The following CDH9 variants were observed in gnomAD, a reference collection of about 807,000 sequenced individuals.
CDH9 encodes the protein cadherin 9.
CDH9 carries 28 observed loss-of-function variants against 70.9 expected under a neutral mutation model. The observed-to-expected ratio is 0.40, with a 90% CI of 0.29 to 0.54. The LOEUF is 0.54. CDH9 is among the 20% of genes least tolerant of loss of function. The pLI is 0.59. For synonymous variants in CDH9, 409 were observed against 343.1 expected, an observed-to-expected ratio of 1.19 and a Z score of -2.12; for missense variants, 874 against 984.4, an observed-to-expected ratio of 0.89 and a Z score of 1.50.
At chr5:26,929,508 G>A (rs1741403398) in intron 2 of CDH9, among the ~76,000 whole-genome samples, 1 of 151,984 alleles carries the variant, frequency 6.6e-6, no homozygotes, top group South Asian at 2.1e-4. Context: ...CAAGATAAAG[G>A]AAAACAATGT....
chr5:26,897,817 A>T (rs1175360583), intron 7 of CDH9, among the ~76,000 whole-genome samples: 1 of 152,080 alleles, frequency 6.6e-6, no homozygotes, highest in Non-Finnish European at 1.5e-5. Context: ...TGGAAGTTCA[A>T]GCCAGGGCAA....
intron 1 of CDH9, among the ~76,000 whole-genome samples, chr5:27,025,826 A>G (rs879762007): frequency 6.6e-6 from 1 of 151,980 alleles, no homozygotes; most frequent in Non-Finnish European, 1.5e-5. Flanking sequence ...GCGTCAATCC[A>G]TTTAACAGAA....
intron 3 of CDH9, 74 bp downstream of exon 3, chr5:26,915,556 A>G: frequency 1.2e-6 from 1 of 864,588 alleles, no homozygotes; most frequent in Non-Finnish European, 1.9e-6. Flanking sequence ...ACATATCATA[A>G]CCACAAGTCA....
At chr5:26,899,325 T>C (rs1212306320) in intron 7 of CDH9, among the ~76,000 whole-genome samples, 3 of 152,194 alleles carry the variant, frequency 2.0e-5, no homozygotes, top group South Asian at 2.1e-4. Context: ...ACTGGGTATA[T>C]ACCCCAAGGA....
intron 2 of CDH9, among the ~76,000 whole-genome samples, chr5:26,952,111 C>T (rs1741856475): frequency 1.3e-5 from 2 of 150,866 alleles, no homozygotes. Flanking sequence ...TGACAGGTGC[C>T]TGTCACCACA....
chr5:27,031,048 G>A (rs113647388), intron 1 of CDH9, among the ~76,000 whole-genome samples: 3 of 151,198 alleles, frequency 2.0e-5, no homozygotes, highest in South Asian at 2.1e-4. Context: ...TATTTAATAC[G>A]TTTAAATTTT....
intron 2 of CDH9, among the ~76,000 whole-genome samples, chr5:26,965,627 G>A (rs1015133942): frequency 1.3e-5 from 2 of 149,878 alleles, no homozygotes; most frequent in Admixed American, 6.7e-5. Flanking sequence ...AACAGCTGGT[G>A]ATACATTTAT....
intron 2 of CDH9, among the ~76,000 whole-genome samples, chr5:26,983,939 G>C (rs1038299553): frequency 1.3e-5 from 2 of 151,998 alleles, no homozygotes. Context: ...TTAATACTTA[G>C]TGCACAAACT....
intron 11 of CDH9, among the ~76,000 whole-genome samples, chr5:26,883,091 A>ATATATG (rs1740499944): frequency 7.9e-6 from 1 of 126,640 alleles, no homozygotes; most frequent in Non-Finnish European, 1.7e-5. Context: ...ATATATATAT[A>ATATATG]TATAAAACTG....
intron 2 of CDH9, among the ~76,000 whole-genome samples, chr5:26,919,192 T>A (rs538814488): frequency 1.3e-5 from 2 of 152,258 alleles, no homozygotes; most frequent in East Asian, 3.9e-4. Context: ...CAGTCTTGAA[T>A]TGGCTGGACC....
intron 1 of CDH9, among the ~76,000 whole-genome samples, chr5:27,001,343 G>T (rs1203734101): frequency 6.6e-6 from 1 of 152,054 alleles, no homozygotes; most frequent in Admixed American, 6.6e-5. Flanking sequence ...TAATAAAGTT[G>T]TTTTCCGCAA....
intron 2 of CDH9, among the ~76,000 whole-genome samples, chr5:26,974,836 G>GCA (rs1742278597): frequency 7.4e-6 from 1 of 135,732 alleles, no homozygotes; most frequent in African/African-American, 2.7e-5. Context: ...GTGTGTGCGT[G>GCA]TGTGTTGAGA....
chr5:27,022,766 G>T (rs1205946608), intron 1 of CDH9, among the ~76,000 whole-genome samples: 1 of 151,988 alleles, frequency 6.6e-6, no homozygotes, highest in Non-Finnish European at 1.5e-5. Flanking sequence ...ATATCCATGT[G>T]GGAAAATTTA....
intron 1 of CDH9, among the ~76,000 whole-genome samples, chr5:27,016,560 C>T (rs997948279): frequency 7.2e-5 from 11 of 151,752 alleles, no homozygotes; most frequent in Non-Finnish European, 1.6e-4. Flanking sequence ...ATTTCAGAAT[C>T]TGAGAATTTA....
At chr5:27,016,209 T>A (rs922439744) in intron 1 of CDH9, among the ~76,000 whole-genome samples, 1 of 151,790 alleles carries the variant, frequency 6.6e-6, no homozygotes, top group Non-Finnish European at 1.5e-5. Context: ...ATCAACTTTA[T>A]CTTGGATTTT....
chr5:26,951,217 C>T (rs7724527), intron 2 of CDH9, among the ~76,000 whole-genome samples: 2,349 of 119,976 alleles, frequency 0.02, 61 homozygotes, highest in African/African-American at 0.067. Context: ...CACTTGAACC[C>T]GGGAGGTGGA....
intron 2 of CDH9, among the ~76,000 whole-genome samples, chr5:26,961,307 G>A (rs1248325769): frequency 6.6e-6 from 1 of 152,044 alleles, no homozygotes; most frequent in Non-Finnish European, 1.5e-5. Context: ...TATGCAACAT[G>A]TTATTATCAG....
At chr5:26,938,567 G>A (rs1265088300) in intron 2 of CDH9, among the ~76,000 whole-genome samples, 1 of 151,898 alleles carries the variant, frequency 6.6e-6, no homozygotes, top group Non-Finnish European at 1.5e-5. Flanking sequence ...AAACTCTCTG[G>A]CAATTTTGAA....
chr5:26,913,887 A>G (rs2112003057), intron 3 of CDH9, among the ~76,000 whole-genome samples: 1 of 152,084 alleles, frequency 6.6e-6, no homozygotes, highest in South Asian at 2.1e-4. Context: ...TGAATTATGT[A>G]TACAGGTGAC....
Sources: gnomAD v4.1 joint callset for allele counts (sites outside exome capture counted in the v4.1 genomes callset) on GRCh38, gnomAD v4.1.1 for gene constraint, MANE v1.5 for transcripts, NCBI Gene and HGNC (gene_info 2026-07-23, HGNC 2026-07-21) for gene names.